MBTD1: variants seen among roughly 807,000 people sequenced by gnomAD.
The protein encoded by MBTD1 is MBT domain-containing protein 1.
Under a neutral mutation model 87.8 loss-of-function variants are expected in MBTD1, and 24 were observed. The ratio of observed to expected loss-of-function variants is 0.27; its 90% CI spans 0.20 to 0.38. The LOEUF is 0.38. Ranked by LOEUF, MBTD1 falls within the 10% of genes least tolerant of loss-of-function variation. The pLI, the probability that MBTD1 is intolerant of heterozygous loss-of-function variation, is 1.00. For missense variants in MBTD1, 436 were observed against 760.2 expected (o/e 0.57, Z 5.02); for synonymous variants, 237 against 248.6 (o/e 0.95, Z 0.44).
chr17:51,203,159 G>A lies in MBTD1; in HGVS notation c.809C>T (p.Pro270Leu). 2 of 1,596,396 alleles carry A rather than the reference G, an allele frequency of 1.3e-6. No individual in the cohort carries two copies. Among genetic ancestry groups the A allele is most frequent in the Non-Finnish European group, 1.7e-6 (2 of 1,175,628 alleles). ...VKRLTGAKTL[P>L]PDFSQKVSES... ...TTTTACCTTTTGGGAGAAATCAGGA[G>A]GCAGTGTTTTGGCACCAGTAAGTCG... Residue 270 changes from proline to leucine, a missense_variant, in exon 9 of 17, where the codon CCT (proline) becomes CTT (leucine). Around this residue, in one of 5 missense-constraint regions of MBTD1, gnomAD observed 268 missense variants for 401.8 expected, o/e 0.67. Coordinates refer to ENST00000586178, the MANE Select transcript of MBTD1 (RefSeq NM_017643.3).
chr17:51,216,668 T>C (rs1418496810), intron 6 of MBTD1, among the ~76,000 whole-genome samples: 3 of 152,218 alleles, frequency 2.0e-5, no homozygotes, highest in Non-Finnish European at 4.4e-5. Flanking sequence ...TTAAGTAACA[T>C]ACACAATGAA....
At chr17:51,203,017 T>A in intron 9 of MBTD1, 82 bp from the exon 10 acceptor site, 1 of 1,264,580 alleles carries the variant, frequency 7.9e-7, no homozygotes, top group Middle Eastern at 1.9e-4. Flanking sequence ...TAAAAAATAC[T>A]GAATGCACTT....
intron 2 of MBTD1, among the ~76,000 whole-genome samples, chr17:51,248,532 T>A (rs1475656578): frequency 6.6e-6 from 1 of 152,242 alleles, no homozygotes; most frequent in East Asian, 1.9e-4. Flanking sequence ...TTCCTGTCCT[T>A]TCCCACTCAA....
At chr17:51,188,582 G>C (rs1363750782) in intron 16 of MBTD1, among the ~76,000 whole-genome samples, 1 of 152,138 alleles carries the variant, frequency 6.6e-6, no homozygotes, top group Non-Finnish European at 1.5e-5. Flanking sequence ...TGGATGACAG[G>C]TTTCTAAACC....
intron 6 of MBTD1, among the ~76,000 whole-genome samples, chr17:51,209,783 T>C (rs2052062252): frequency 6.6e-6 from 1 of 152,074 alleles, no homozygotes; most frequent in African/African-American, 2.4e-5. Context: ...GAATAATTTA[T>C]CCCAATGAGA....
At chr17:51,189,583 C>T (rs956515757) in intron 16 of MBTD1, among the ~76,000 whole-genome samples, 3 of 152,270 alleles carry the variant, frequency 2.0e-5, no homozygotes, top group South Asian at 2.1e-4. Context: ...ACAAGAGTCA[C>T]GCTGAGGGAG....
intron 2 of MBTD1, among the ~76,000 whole-genome samples, chr17:51,225,950 C>T (rs950144247): frequency 6.6e-5 from 10 of 151,204 alleles, no homozygotes; most frequent in East Asian, 2.0e-4. Flanking sequence ...AGCTAATTTT[C>T]GTATTTTTAG....
intron 6 of MBTD1, among the ~76,000 whole-genome samples, chr17:51,216,435 A>C (rs1329280220): frequency 1.3e-5 from 2 of 152,194 alleles, no homozygotes; most frequent in African/African-American, 4.8e-5. Context: ...TCATCAGATA[A>C]ATTTTAAACA....
At chr17:51,255,799 T>C (rs1362509858) in intron 2 of MBTD1, among the ~76,000 whole-genome samples, 3 of 152,102 alleles carry the variant, frequency 2.0e-5, no homozygotes, top group Non-Finnish European at 2.9e-5. Flanking sequence ...GGTTTCGCCA[T>C]GTTGCCCAGG....
At chr17:51,226,467 C>T (rs1410026204) in intron 2 of MBTD1, among the ~76,000 whole-genome samples, 1 of 151,422 alleles carries the variant, frequency 6.6e-6, no homozygotes, top group Admixed American at 6.6e-5. Context: ...CATGCCACTG[C>T]ACTCCAGCCT....
rs537918283 is a variant in MBTD1, at chr17:51,208,528, A to G, written c.487-1523T>C. Among the ~76,000 whole-genome samples, 3 of 152,372 alleles carry G rather than the reference A, an allele frequency of 2.0e-5. No individual in the cohort carries two copies. The South Asian group carries it at 6.2e-4, about 32-fold the overall frequency. On this transcript the variant is annotated intron_variant, in intron 6 of 16. Transcript: ENST00000586178. Reference sequence around the variant, plus strand: ...AGACACTAGAAAGAAGACAGGTAACATAGAATAAACTAACATATATTAACA... The same window carrying G: ...AGACACTAGAAAGAAGACAGGTAACGTAGAATAAACTAACATATATTAACA...
intron 2 of MBTD1, among the ~76,000 whole-genome samples, chr17:51,258,594 G>A (rs1202776769): frequency 6.6e-6 from 1 of 152,022 alleles, no homozygotes; most frequent in African/African-American, 2.4e-5. Flanking sequence ...AAATACGGGT[G>A]TGGGCGGTAA....
At chr17:51,248,387 G>A (rs2054575503) in intron 2 of MBTD1, among the ~76,000 whole-genome samples, 1 of 152,136 alleles carries the variant, frequency 6.6e-6, no homozygotes, top group Non-Finnish European at 1.5e-5. Context: ...GTATTATGTA[G>A]TACTTTTCTT....
upstream of MBTD1, chr17:51,260,115 C>T: frequency 2.6e-6 from 1 of 378,318 alleles, no homozygotes; most frequent in Non-Finnish European, 4.7e-6. Flanking sequence ...CACTTCCCTA[C>T]ATACCCTCCT....
chr17:51,191,243 T>C lies in MBTD1; in HGVS notation c.1768+960A>G, dbSNP rs113435243. Among the ~76,000 whole-genome samples the C allele has an allele frequency of 2.3e-4, 35 of 149,964 alleles. 2 individuals carry two copies. Among genetic ancestry groups the C allele is most frequent in the South Asian group, 1.0e-3 (5 of 4,794 alleles). On this transcript the variant is annotated intron_variant, in intron 16 of 16. Transcript: ENST00000586178. ...CAACAATTCACTGTAAGGTAAAATA[T>C]AGTATAGAAAGAATTTCTTTTTTTT... is the stretch of plus-strand genomic sequence containing the variant.
At chr17:51,232,518 C>G (rs1182692637) in intron 2 of MBTD1, among the ~76,000 whole-genome samples, 1 of 151,750 alleles carries the variant, frequency 6.6e-6, no homozygotes, top group African/African-American at 2.4e-5. Context: ...AAAACAAACA[C>G]CAACTTATTA....
chr17:51,252,328 C>G (rs191400052), intron 2 of MBTD1, among the ~76,000 whole-genome samples: 176 of 152,216 alleles, frequency 1.2e-3, no homozygotes, highest in African/African-American at 3.9e-3. Context: ...CTTTCTCCCC[C>G]CTCCCCAATA....
intron 13 of MBTD1, among the ~76,000 whole-genome samples, chr17:51,194,015 G>A (rs920476845): frequency 2.6e-5 from 4 of 152,256 alleles, no homozygotes; most frequent in African/African-American, 7.2e-5. Context: ...TTAGTCTAAC[G>A]CAAAAGTGGC....
At chr17:51,229,630 T>C (rs887602426) in intron 2 of MBTD1, among the ~76,000 whole-genome samples, 12 of 151,738 alleles carry the variant, frequency 7.9e-5, no homozygotes, top group African/African-American at 2.9e-4. Context: ...GTTCTAATAA[T>C]GTTGCCACAG....
Sources: allele counts gnomAD v4.1 joint callset (sites outside exome capture counted in the v4.1 genomes callset), GRCh38; gene constraint gnomAD v4.1.1; regional missense constraint gnomAD v4.1.1; transcripts MANE v1.5; gene names NCBI Gene and HGNC (gene_info 2026-07-23, HGNC 2026-07-21).